Variants in SCARB2 observed in about 807,000 individuals in gnomAD.
SCARB2 encodes the protein lysosome membrane protein 2.
SCARB2 carries 29 observed loss-of-function variants against 58.6 expected under a neutral mutation model. The ratio of observed to expected loss-of-function variants is 0.49; its 90% CI spans 0.37 to 0.67. SCARB2 has a LOEUF of 0.67. SCARB2 is among the 30% of genes least tolerant of loss of function. The pLI, the probability that SCARB2 is intolerant of heterozygous loss-of-function variation, is 0.00. For missense variants in SCARB2, 488 were observed against 578.5 expected, an observed-to-expected ratio of 0.84 and a Z score of 1.60; for synonymous variants, 195 against 210.1, an observed-to-expected ratio of 0.93 and a Z score of 0.62.
At chr4:76,187,198 G>T (rs1038635925) in intron 2 of SCARB2, among the ~76,000 whole-genome samples, 1 of 152,188 alleles carries the variant, frequency 6.6e-6, no homozygotes, top group Non-Finnish European at 1.5e-5. Context: ...ATTGAAGGGA[G>T]TAAGACTTTT....
At chr4:76,183,039 C>G (rs1304562817) in intron 2 of SCARB2, among the ~76,000 whole-genome samples, 1 of 152,138 alleles carries the variant, frequency 6.6e-6, no homozygotes, top group Admixed American at 6.5e-5. Context: ...TAAATCCCTT[C>G]TAGACTTTAA....
intron 1 of SCARB2, among the ~76,000 whole-genome samples, chr4:76,224,297 A>G (rs936646686): frequency 6.6e-6 from 1 of 152,210 alleles, no homozygotes; most frequent in African/African-American, 2.4e-5. Flanking sequence ...CGAAGGAAAA[A>G]TAAAACTTCT....
intron 2 of SCARB2, among the ~76,000 whole-genome samples, chr4:76,191,109 A>C (rs891352573): frequency 2.0e-5 from 3 of 152,222 alleles, no homozygotes; most frequent in Non-Finnish European, 4.4e-5. Context: ...GGACACTTAG[A>C]TACTGATCCT....
chr4:76,178,264 A>G (rs917949508), intron 4 of SCARB2, among the ~76,000 whole-genome samples: 3 of 152,248 alleles, frequency 2.0e-5, no homozygotes, highest in Non-Finnish European at 4.4e-5. Flanking sequence ...TAGCACAGGT[A>G]GTAGCTCCTC....
chr4:76,193,845 A>G (rs1732653738), intron 2 of SCARB2: 1 of 152,232 alleles, frequency 6.6e-6, no homozygotes, highest in Non-Finnish European at 1.5e-5. Context: ...ACTATTGAGA[A>G]GGGATGATTA....
chr4:76,207,675 C>T (rs1560720908), intron 1 of SCARB2, among the ~76,000 whole-genome samples: 1 of 152,166 alleles, frequency 6.6e-6, no homozygotes, highest in Non-Finnish European at 1.5e-5. Flanking sequence ...GATGATATGG[C>T]CAGGAATGTC....
intron 1 of SCARB2, among the ~76,000 whole-genome samples, chr4:76,225,897 G>A (rs1245679980): frequency 2.6e-5 from 4 of 152,120 alleles, no homozygotes; most frequent in Admixed American, 6.6e-5. Flanking sequence ...GGTGATACTG[G>A]CTTCATGGAA....
chr4:76,176,785 A>G (rs1732259495), intron 4 of SCARB2: 1 of 369,364 alleles, frequency 2.7e-6, no homozygotes, highest in East Asian at 5.2e-5. Context: ...ATTCTCCTCA[A>G]GACTGCAACA....
At chr4:76,170,603 C>T (rs1363693872) in intron 7 of SCARB2, among the ~76,000 whole-genome samples, 2 of 152,160 alleles carry the variant, frequency 1.3e-5, no homozygotes, top group African/African-American at 4.8e-5. Context: ...CTGCAGCCTC[C>T]GCCTCCCAGG....
At chr4:76,179,250 TGC>T (rs1732328920) in intron 4 of SCARB2, 1 of 440,638 alleles carries the variant, frequency 2.3e-6, no homozygotes, top group Non-Finnish European at 4.2e-6. Flanking sequence ...GATAGAGTTT[TGC>T]CATGTTGGCC....
Position 76,221,449 on chromosome 4 carries a change from G to A in SCARB2, c.-358+12854C>T, listed in dbSNP as rs1285651909. Among the ~76,000 whole-genome samples, 4 of 152,218 alleles carry A rather than the reference G, an allele frequency of 2.6e-5. No individual in the cohort carries two copies. In the East Asian group the frequency reaches 5.8e-4, roughly 22 times the overall value. On this transcript the variant is annotated intron_variant, in intron 1 of 11. Transcript: ENST00000638295. ...TTCTCCTGCCTCAGCCTCCCGAGTA[G>A]CTGGGATTACAGGCACCTGGTACCA... is the stretch of plus-strand genomic sequence containing the variant.
chr4:76,210,919 G>A (rs61330757), intron 1 of SCARB2, among the ~76,000 whole-genome samples: 9,770 of 152,060 alleles, frequency 0.064, 1,063 homozygotes, highest in African/African-American at 0.22. Flanking sequence ...TAGACAAGTC[G>A]GGGCATAGAC....
At chr4:76,168,586 C>G in intron 8 of SCARB2, 110 bp from the exon 9 acceptor site, 1 of 857,658 alleles carries the variant, frequency 1.2e-6, no homozygotes, top group Non-Finnish European at 1.9e-6. Context: ...TGACCATTAC[C>G]ATGTGTGACA....
chr4:76,161,591 A>C lies in SCARB2; in HGVS notation c.*122T>G. The C allele has an allele frequency of 3.0e-6, 3 of 994,030 alleles. No individual in the cohort carries two copies. The highest frequency in any genetic ancestry group is 4.8e-6 in the Non-Finnish European group (3 of 619,668). The allele number at this position is 994,030 out of a possible 1,614,324, so 61.6% of individuals were successfully genotyped here. ...GGCCAGAATGTTCCTATCACTTGCC[A>C]GCGCCGTGTCTTTTTCCTTCTTTCA... On this transcript the variant is annotated 3_prime_UTR_variant, in exon 12 of 12. Coordinates refer to ENST00000264896, the MANE Select transcript of SCARB2 (RefSeq NM_005506.4).
intron 6 of SCARB2, 188 bp from the exon 7 acceptor site, chr4:76,174,501 G>A (rs1028961906): frequency 3.3e-6 from 2 of 606,974 alleles, no homozygotes; most frequent in African/African-American, 3.7e-5. Flanking sequence ...TGTAGTGGAA[G>A]GTGTTTATTG....
chr4:76,191,572 T>C (rs929945385), intron 2 of SCARB2, among the ~76,000 whole-genome samples: 2 of 152,118 alleles, frequency 1.3e-5, no homozygotes, highest in African/African-American at 4.8e-5. Flanking sequence ...TCCACCATGA[T>C]TATAAGTTTC....
At chr4:76,183,568 C>A (rs1050854161) in intron 2 of SCARB2, among the ~76,000 whole-genome samples, 2 of 151,962 alleles carry the variant, frequency 1.3e-5, no homozygotes, top group Non-Finnish European at 2.9e-5. Context: ...TCTGCAGGCT[C>A]GCTACTCTCC....
chr4:76,221,926 A>G (rs1251499795), intron 1 of SCARB2, among the ~76,000 whole-genome samples: 1 of 152,220 alleles, frequency 6.6e-6, no homozygotes, highest in African/African-American at 2.4e-5. Context: ...AAAGGAAAAA[A>G]ATGCGTATTC....
At chr4:76,166,145 T>G in intron 10 of SCARB2, 105 bp downstream of exon 10, 3 of 1,105,624 alleles carry the variant, frequency 2.7e-6, no homozygotes, top group Non-Finnish European at 4.2e-6. Context: ...TTTAAAAATC[T>G]TTTGCCCTTC....
Sources: gnomAD v4.1 joint callset for allele counts (sites outside exome capture counted in the v4.1 genomes callset) on GRCh38, gnomAD v4.1.1 for gene constraint, MANE v1.5 for transcripts, NCBI Gene and HGNC (gene_info 2026-07-23, HGNC 2026-07-21) for gene names.